The following KLHL32 variants were observed in gnomAD, a reference collection of about 807,000 sequenced individuals.
The protein encoded by KLHL32 is kelch like family member 32.
A neutral mutation model predicts 64.8 loss-of-function variants in KLHL32; 35 were observed. The ratio of observed to expected loss-of-function variants is 0.54; its 90% CI spans 0.41 to 0.72. KLHL32 has a LOEUF of 0.72. Among genes scored for constraint, KLHL32 ranks in the 30% least tolerant of loss-of-function variants. The pLI is 0.00. For synonymous variants in KLHL32, 259 were observed against 281.0 expected (o/e 0.92, Z 0.78); for missense variants, 589 against 768.5 (o/e 0.77, Z 2.76).
intron 4 of KLHL32, among the ~76,000 whole-genome samples, chr6:97,055,972 T>C (rs1243648116): frequency 6.6e-6 from 1 of 151,996 alleles, no homozygotes; most frequent in Non-Finnish European, 1.5e-5. Context: ...TGGAGGCTTT[T>C]ATCTTCATCA....
Position 97,069,585 on chromosome 6 carries a change from C to CT in KLHL32, c.411+4860dup, listed in dbSNP as rs199773928. ...AAATGTCTCACCACCTCCAGTTACA[C>CT]TGTGGGGCTTTCGAGCAGAGGGATC... On this transcript the variant is annotated intron_variant, in intron 5 of 10. Transcript: ENST00000369261. 1.3e-3 allele frequency among the ~76,000 whole-genome samples: 204 copies of CT among 152,178 alleles called. 2 individuals carry two copies. In the East Asian group the frequency reaches 0.037, roughly 28 times the overall value.
At chr6:96,961,509 G>A (rs573024147) in intron 1 of KLHL32, among the ~76,000 whole-genome samples, 5 of 152,070 alleles carry the variant, frequency 3.3e-5, no homozygotes, top group African/African-American at 1.2e-4. Flanking sequence ...GGCTGGGCTC[G>A]TTCTGCCTGT....
intron 6 of KLHL32, among the ~76,000 whole-genome samples, chr6:97,095,434 G>A (rs1794847460): frequency 6.6e-6 from 1 of 152,234 alleles, no homozygotes; most frequent in Non-Finnish European, 1.5e-5. Flanking sequence ...TAGAGGGGCT[G>A]TGTAGTGCTT....
At chr6:96,902,339 C>A in the KLHL32 span, among the ~76,000 whole-genome samples, 1 of 152,158 alleles carries the variant, frequency 6.6e-6, no homozygotes, top group African/African-American at 2.4e-5. Context: ...ATTTGCATTT[C>A]TCTAAGGATC....
intron 3 of KLHL32, among the ~76,000 whole-genome samples, chr6:97,004,315 A>G (rs1433581069): frequency 6.6e-6 from 1 of 152,148 alleles, no homozygotes; most frequent in African/African-American, 2.4e-5. Flanking sequence ...TGATTTTTGT[A>G]CACTGATTTT....
intron 3 of KLHL32, among the ~76,000 whole-genome samples, chr6:96,989,542 CA>C (rs1466414608): frequency 6.6e-6 from 1 of 151,946 alleles, no homozygotes; most frequent in Non-Finnish European, 1.5e-5. Flanking sequence ...TTTTTTCTTT[CA>C]TGTGAGCCTT....
intron 6 of KLHL32, among the ~76,000 whole-genome samples, chr6:97,086,654 A>G (rs978840284): frequency 5.3e-5 from 8 of 152,190 alleles, no homozygotes; most frequent in Non-Finnish European, 1.2e-4. Context: ...TATAAGGACC[A>G]AAAAAACATT....
At chr6:97,117,814 C>T (rs1797958462) in intron 7 of KLHL32, among the ~76,000 whole-genome samples, 1 of 152,044 alleles carries the variant, frequency 6.6e-6, no homozygotes, top group Admixed American at 6.5e-5. Flanking sequence ...AAAATTAATC[C>T]TGAGCTCATC....
In KLHL32 at chr6:97,114,322, G is replaced by A; in HGVS notation, c.1167G>A (p.Glu389=). The A allele has an allele frequency of 2.5e-6, 4 of 1,614,190 alleles. No homozygotes were observed. The highest frequency in any genetic ancestry group is 3.4e-6 in the Non-Finnish European group (4 of 1,180,034). The part of the protein sequence containing the change: ...AEIAPMKNCR[E]HFVLGAMEEY... Reference sequence around the variant, plus strand: ...TAGCACCCATGAAAAACTGCCGGGAGCATTTTGTGCTGGGTGCCATGGAGG... The same window carrying A: ...TAGCACCCATGAAAAACTGCCGGGAACATTTTGTGCTGGGTGCCATGGAGG... Residue 389 remains glutamate (E), a synonymous_variant, in exon 7 of 11, where the codon GAG becomes GAA. Transcript: ENST00000369261.
At chr6:96,943,036 T>TACAC (rs113696398) in intron 1 of KLHL32, among the ~76,000 whole-genome samples, 3,007 of 146,402 alleles carry the variant, frequency 0.021, 70 homozygotes, top group African/African-American at 0.058. Context: ...ATGCTCCCTC[T>TACAC]ACACACACAC....
chr6:96,944,475 T>G (rs1338655849), intron 1 of KLHL32, among the ~76,000 whole-genome samples: 3 of 152,222 alleles, frequency 2.0e-5, no homozygotes, highest in Non-Finnish European at 4.4e-5. Context: ...GTCATTAACA[T>G]AACTTAATAA....
At chr6:96,931,353 C>T (rs1286419332) in intron 1 of KLHL32, among the ~76,000 whole-genome samples, 2 of 152,114 alleles carry the variant, frequency 1.3e-5, no homozygotes, top group East Asian at 3.9e-4. Context: ...CAAAGTCACC[C>T]CCCGGCTCAT....
the KLHL32 span, among the ~76,000 whole-genome samples, chr6:96,905,707 A>G: frequency 7.2e-5 from 11 of 152,232 alleles, no homozygotes; most frequent in Admixed American, 2.0e-4. Context: ...TTATTCTTTT[A>G]TATAACAAAA....
chr6:97,064,585 T>C (rs752224159), intron 4 of KLHL32, 43 bp from the exon 5 acceptor site: 1 of 1,410,562 alleles, frequency 7.1e-7, no homozygotes, highest in African/African-American at 1.4e-5. Flanking sequence ...ATTATATTTT[T>C]AAGTGTAACT....
chr6:96,900,409 C>T, the KLHL32 span, among the ~76,000 whole-genome samples: 1 of 152,194 alleles, frequency 6.6e-6, no homozygotes, highest in East Asian at 1.9e-4. Flanking sequence ...TACGGTAAGA[C>T]TCATGTTCTT....
intron 3 of KLHL32, among the ~76,000 whole-genome samples, chr6:96,977,208 A>G (rs1174484067): frequency 6.6e-6 from 1 of 152,212 alleles, no homozygotes; most frequent in Non-Finnish European, 1.5e-5. Context: ...TTGTGCACAT[A>G]TATATACATA....
chr6:96,990,987 C>T (rs914266848), intron 3 of KLHL32, among the ~76,000 whole-genome samples: 1 of 151,646 alleles, frequency 6.6e-6, no homozygotes, highest in East Asian at 1.9e-4. Context: ...ATCACAGACC[C>T]GTTACTAATG....
chr6:96,942,724 T>C lies in KLHL32; in HGVS notation c.-66+17698T>C, dbSNP rs148981944. 2.7e-3 allele frequency among the ~76,000 whole-genome samples: 407 copies of C among 151,330 alleles called. 1 individual carries two copies. Among genetic ancestry groups the C allele is most frequent in the Admixed American group, 6.8e-3 (104 of 15,184 alleles). ...ATATCCCTTCAGGGTCATATTTGATTCTCAAGGAAGAAGAGAGAGGGGAGA... is the reference window on the plus strand; with the variant it reads ...ATATCCCTTCAGGGTCATATTTGATCCTCAAGGAAGAAGAGAGAGGGGAGA... On this transcript the variant is annotated intron_variant, in intron 1 of 10. Coordinates refer to ENST00000369261, the MANE Select transcript of KLHL32 (RefSeq NM_052904.4).
chr6:97,125,797 C>A (rs1798809064), intron 7 of KLHL32, among the ~76,000 whole-genome samples: 2 of 152,250 alleles, frequency 1.3e-5, no homozygotes, highest in Non-Finnish European at 2.9e-5. Context: ...AAGTTACCGT[C>A]CTACATTCCC....
Sources: allele counts gnomAD v4.1 joint callset (sites outside exome capture counted in the v4.1 genomes callset), GRCh38; gene constraint gnomAD v4.1.1; transcripts MANE v1.5; gene names NCBI Gene and HGNC (gene_info 2026-07-23, HGNC 2026-07-21).